The following RASAL2 variants were observed in gnomAD, a reference collection of about 807,000 sequenced individuals.
RASAL2 encodes the protein ras GTPase-activating protein nGAP.
RASAL2 carries 58 observed loss-of-function variants against 128.9 expected under a neutral mutation model. The ratio of observed to expected loss-of-function variants is 0.45; its 90% confidence interval spans 0.36 to 0.56. The LOEUF (loss-of-function observed/expected upper bound fraction) is 0.56. Ranked by LOEUF, RASAL2 falls within the 20% of genes least tolerant of loss-of-function variation. The pLI, the probability that RASAL2 is intolerant of heterozygous loss-of-function variation, is 0.00. For synonymous variants in RASAL2, 561 were observed against 580.8 expected, an observed-to-expected ratio of 0.97 and a Z score of 0.49; for missense variants, 1,360 against 1,601.6, an observed-to-expected ratio of 0.85 and a Z score of 2.57.
intron 1 of RASAL2, among the ~76,000 whole-genome samples, chr1:178,223,876 T>C (rs1004839340): frequency 1.3e-5 from 2 of 152,130 alleles, no homozygotes; most frequent in Non-Finnish European, 2.9e-5. Flanking sequence ...GGTTTGGGGC[T>C]TGTATAGCTG....
chr1:178,321,834 C>G (rs1333080704), intron 3 of RASAL2, among the ~76,000 whole-genome samples: 6 of 151,132 alleles, frequency 4.0e-5, no homozygotes, highest in Non-Finnish European at 5.9e-5. Flanking sequence ...ACTAAAAATA[C>G]AAAATTAGCT....
At chr1:178,126,440 T>G (rs1031262948) in intron 1 of RASAL2, among the ~76,000 whole-genome samples, 5 of 152,238 alleles carry the variant, frequency 3.3e-5, no homozygotes, top group Non-Finnish European at 7.3e-5. Flanking sequence ...TCTGGCCATA[T>G]TGTTGTGTAA....
intron 1 of RASAL2, 64 bp from the exon 2 acceptor site, chr1:178,283,500 G>A: frequency 1.9e-6 from 3 of 1,546,470 alleles, no homozygotes; most frequent in Non-Finnish European, 2.6e-6. Context: ...TTTTACATTT[G>A]AAATACTGGT....
chr1:178,196,790 A>G (rs1396758565), intron 1 of RASAL2, among the ~76,000 whole-genome samples: 1 of 152,354 alleles, frequency 6.6e-6, no homozygotes, highest in Admixed American at 6.5e-5. Flanking sequence ...CTCATAAGAG[A>G]GGAAACACAG....
intron 1 of RASAL2, among the ~76,000 whole-genome samples, chr1:178,179,777 T>C (rs1662023027): frequency 6.6e-6 from 1 of 152,176 alleles, no homozygotes; most frequent in Non-Finnish European, 1.5e-5. Context: ...GATGATCTAT[T>C]CTTATCACTG....
At chr1:178,136,949 C>A (rs1330690367) in intron 1 of RASAL2, among the ~76,000 whole-genome samples, 1 of 151,770 alleles carries the variant, frequency 6.6e-6, no homozygotes, top group African/African-American at 2.4e-5. Flanking sequence ...AGGCTTTTAT[C>A]CTTTAATTAG....
intron 3 of RASAL2, among the ~76,000 whole-genome samples, chr1:178,375,828 G>A (rs957548963): frequency 6.6e-6 from 1 of 152,108 alleles, no homozygotes; most frequent in Admixed American, 6.6e-5. Context: ...AGGAAGATGG[G>A]AGTTCTGTTT....
chr1:178,458,020 G>A lies in RASAL2; in HGVS notation c.2728G>A (p.Ala910Thr), dbSNP rs1322129679. 2 of 1,614,172 alleles carry A rather than the reference G, an allele frequency of 1.2e-6. No homozygotes were observed. The highest frequency in any genetic ancestry group is 1.7e-6 in the Non-Finnish European group (2 of 1,180,046). ...APQVRRPLHP[A>T]LNQPGGLQPL... is the part of the protein sequence containing the mutation. ...CCAAGTGAGAAGGCCCCTGCACCCA[G>A]CCTTGAACCAGCCAGGTGGCCTTCA... The change falls in exon 14 of 18, where the codon GCC becomes ACC. Residue 910 changes from alanine (A) to threonine (T), a missense_variant. Ala to Thr is a moderately conservative substitution (Grantham distance 58). This residue lies in a region of RASAL2 where 741 missense variants were observed against 868.6 expected (regional missense o/e 0.85). Coordinates refer to ENST00000367649, the MANE Select transcript of RASAL2 (RefSeq NM_170692.4).
At chr1:178,342,520 A>G (rs1346224612) in intron 3 of RASAL2, among the ~76,000 whole-genome samples, 7 of 152,208 alleles carry the variant, frequency 4.6e-5, no homozygotes, top group East Asian at 1.9e-4. Context: ...TCAAATCACT[A>G]TTGATACATG....
intron 4 of RASAL2, among the ~76,000 whole-genome samples, chr1:178,405,352 C>T (rs1330527298): frequency 6.6e-6 from 1 of 152,170 alleles, no homozygotes; most frequent in Non-Finnish European, 1.5e-5. Flanking sequence ...AATAGTGGTT[C>T]CTCCCCCATC....
At chr1:178,230,062 A>G (rs1663940338) in intron 1 of RASAL2, among the ~76,000 whole-genome samples, 1 of 152,140 alleles carries the variant, frequency 6.6e-6, no homozygotes, top group South Asian at 2.1e-4. Flanking sequence ...CATACAGTGT[A>G]TACTCTAGTG....
At chr1:178,432,405 T>TA (rs1675972149) in intron 5 of RASAL2, among the ~76,000 whole-genome samples, 1 of 152,112 alleles carries the variant, frequency 6.6e-6, no homozygotes, top group Non-Finnish European at 1.5e-5. Context: ...CCTTCTGTGA[T>TA]ACTTGACTCA....
rs1052737183 is a variant in RASAL2, at chr1:178,133,541, G to T, written c.202+38847G>T. ...TGCGGTAAGGAGTTGGGGAATGTGTGGTGGCAGGGAAGTAATGTAAGTTGC... is the reference window on the plus strand; with the variant it reads ...TGCGGTAAGGAGTTGGGGAATGTGTTGTGGCAGGGAAGTAATGTAAGTTGC... On this transcript the variant is annotated intron_variant, in intron 1 of 17. Coordinates refer to ENST00000367649, the MANE Select transcript of RASAL2 (RefSeq NM_170692.4). 7.3e-5 allele frequency among the ~76,000 whole-genome samples: 11 copies of T among 151,222 alleles called. No individual in the cohort carries two copies. The South Asian group carries it at 2.3e-3, about 32-fold the overall frequency.
At chr1:178,158,453 A>C (rs770991812) in intron 1 of RASAL2, among the ~76,000 whole-genome samples, 22 of 152,242 alleles carry the variant, frequency 1.4e-4, no homozygotes, top group Non-Finnish European at 2.8e-4. Flanking sequence ...AGTGATTCTT[A>C]GACCAACTTG....
intron 1 of RASAL2, among the ~76,000 whole-genome samples, chr1:178,107,652 C>A (rs138796599): frequency 6.6e-6 from 1 of 152,210 alleles, no homozygotes; most frequent in East Asian, 1.9e-4. Context: ...CAGCTGGTAA[C>A]CTCTATTCTT....
rs938435706 is a variant in RASAL2, at chr1:178,187,290, T to C, written c.202+92596T>C. Among the ~76,000 whole-genome samples, 19 of 152,306 alleles carry C rather than the reference T, an allele frequency of 1.2e-4. No individual in the cohort carries two copies. The Middle Eastern group carries it at 0.01, about 82-fold the overall frequency. On this transcript the variant is annotated intron_variant, in intron 1 of 17. Transcript: ENST00000367649. ...TGCCATATCTTATTGTTCACTGATA[T>C]TTTCTTTGTGGTATTTAATCTACTG... is the stretch of plus-strand genomic sequence containing the variant.
At chr1:178,324,278 G>A (rs993177189) in intron 3 of RASAL2, among the ~76,000 whole-genome samples, 1 of 152,036 alleles carries the variant, frequency 6.6e-6, no homozygotes, top group Non-Finnish European at 1.5e-5. Context: ...TTTGAAGCTG[G>A]TCATAGTAGC....
intron 1 of RASAL2, among the ~76,000 whole-genome samples, chr1:178,109,386 G>C (rs1333891778): frequency 9.2e-5 from 14 of 152,132 alleles, no homozygotes. Flanking sequence ...ATAGGTGCAT[G>C]CTTCTCTACT....
intron 1 of RASAL2, among the ~76,000 whole-genome samples, chr1:178,099,230 G>C (rs960055383): frequency 6.6e-6 from 1 of 152,140 alleles, no homozygotes; most frequent in Non-Finnish European, 1.5e-5. Flanking sequence ...CTTTACACCT[G>C]AGTAGTCATA....
Sources: gnomAD v4.1 joint callset for allele counts (sites outside exome capture counted in the v4.1 genomes callset) on GRCh38, gnomAD v4.1.1 for gene constraint, gnomAD v4.1.1 regional missense constraint, MANE v1.5 for transcripts, NCBI Gene and HGNC (gene_info 2026-07-23, HGNC 2026-07-21) for gene names.